Variants in RALGAPA2 observed in about 807,000 individuals in gnomAD.
The protein encoded by RALGAPA2 is ral GTPase-activating protein subunit alpha-2.
RALGAPA2 carries 139 observed loss-of-function variants against 230.4 expected under a neutral mutation model. The observed-to-expected ratio is 0.60, with a 90% confidence interval of 0.53 to 0.69. The LOEUF (loss-of-function observed/expected upper bound fraction) is 0.69, where lower values mean the gene tolerates loss of function less well. Ranked by LOEUF, RALGAPA2 falls within the 30% of genes least tolerant of loss-of-function variation. RALGAPA2 has a pLI of 0.00. For missense variants in RALGAPA2, 2,163 were observed against 2,276.0 expected (o/e 0.95, Z 1.01); for synonymous variants, 847 against 837.8 (o/e 1.01, Z -0.19).
intron 37 of RALGAPA2, among the ~76,000 whole-genome samples, chr20:20,462,698 A>AAAAATTTACTTTCAAAAAAAAT (rs2061331133): frequency 1.3e-5 from 2 of 152,188 alleles, no homozygotes; most frequent in Non-Finnish European, 2.9e-5. Context: ...AATTTACTTG[A>AAAAATTTACTTTCAAAAAAAAT]GTGTGTTGCA....
At chr20:20,561,040 C>T (rs914492791) in intron 23 of RALGAPA2, among the ~76,000 whole-genome samples, 13 of 152,204 alleles carry the variant, frequency 8.5e-5, no homozygotes, top group Non-Finnish European at 1.6e-4. Context: ...GAGTGCAAGG[C>T]TAGGTAGGGC....
intron 38 of RALGAPA2, among the ~76,000 whole-genome samples, chr20:20,410,997 C>T (rs923360979): frequency 5.9e-5 from 9 of 152,200 alleles, no homozygotes; most frequent in Non-Finnish European, 4.4e-5. Context: ...CGATGTTAAA[C>T]AATGATGCAT....
At chr20:20,687,496 G>C (rs952075829) in intron 1 of RALGAPA2, among the ~76,000 whole-genome samples, 2 of 152,128 alleles carry the variant, frequency 1.3e-5, no homozygotes, top group African/African-American at 4.8e-5. Context: ...ATGTGGCAGT[G>C]GTTGCTGGGA....
At chr20:20,449,717 T>C (rs1004746926) in intron 37 of RALGAPA2, among the ~76,000 whole-genome samples, 22 of 152,336 alleles carry the variant, frequency 1.4e-4, no homozygotes, top group African/African-American at 5.1e-4. Flanking sequence ...AAGATATCTT[T>C]TGAACTCATG....
intron 35 of RALGAPA2, among the ~76,000 whole-genome samples, chr20:20,496,599 A>G (rs959538371): frequency 1.3e-5 from 2 of 152,222 alleles, no homozygotes; most frequent in African/African-American, 4.8e-5. Context: ...GACTAAATTC[A>G]GAAGCAGTTT....
chr20:20,442,365 G>A (rs562006572), intron 37 of RALGAPA2, among the ~76,000 whole-genome samples: 15 of 152,208 alleles, frequency 9.9e-5, no homozygotes, highest in Non-Finnish European at 1.6e-4. Flanking sequence ...TCTTCACTCC[G>A]CTCTCTGTCG....
At chr20:20,648,301 A>T (rs562752647) in intron 4 of RALGAPA2, among the ~76,000 whole-genome samples, 7 of 152,172 alleles carry the variant, frequency 4.6e-5, no homozygotes, top group Non-Finnish European at 1.0e-4. Context: ...GCTAGTCTAC[A>T]AGGGCCAGAA....
intron 6 of RALGAPA2, 144 bp from the exon 7 acceptor site, chr20:20,640,044 T>G: frequency 1.6e-6 from 1 of 621,926 alleles, no homozygotes; most frequent in Non-Finnish European, 2.8e-6. Context: ...CAAGGCAGTG[T>G]GCATAAAGGG....
intron 37 of RALGAPA2, among the ~76,000 whole-genome samples, chr20:20,416,132 C>T (rs897802511): frequency 3.9e-5 from 6 of 152,172 alleles, no homozygotes; most frequent in Admixed American, 2.6e-4. Flanking sequence ...GTTCTCAGGA[C>T]GGCTGGGAAG....
intron 35 of RALGAPA2, among the ~76,000 whole-genome samples, chr20:20,499,287 C>T (rs1602554493): frequency 6.6e-6 from 1 of 152,124 alleles, no homozygotes; most frequent in Admixed American, 6.5e-5. Flanking sequence ...ACATTATTTA[C>T]AGCTTGGCAT....
At chr20:20,706,860 A>C (rs2069628957) in intron 1 of RALGAPA2, among the ~76,000 whole-genome samples, 1 of 152,178 alleles carries the variant, frequency 6.6e-6, no homozygotes, top group South Asian at 2.1e-4. Context: ...AGCTATTCTC[A>C]CTGAGCTTCA....
At chr20:20,685,096 CAG>C (rs2068652814) in intron 1 of RALGAPA2, among the ~76,000 whole-genome samples, 1 of 150,652 alleles carries the variant, frequency 6.6e-6, no homozygotes, top group Non-Finnish European at 1.5e-5. Flanking sequence ...TCAAGAAAAA[CAG>C]AGATATAACA....
At chr20:20,524,108 C>A (rs2063125238) in intron 30 of RALGAPA2, among the ~76,000 whole-genome samples, 1 of 152,102 alleles carries the variant, frequency 6.6e-6, no homozygotes, top group Non-Finnish European at 1.5e-5. Context: ...AGGCACCCGC[C>A]ACCACGCCCG....
At chr20:20,608,124 G>A (rs990292750) in intron 14 of RALGAPA2, among the ~76,000 whole-genome samples, 5 of 152,122 alleles carry the variant, frequency 3.3e-5, no homozygotes, top group East Asian at 1.9e-4. Flanking sequence ...GGTTCCTTCA[G>A]TACTGAAATT....
intron 23 of RALGAPA2, among the ~76,000 whole-genome samples, chr20:20,547,929 A>G (rs1285704130): frequency 1.3e-5 from 2 of 152,162 alleles, no homozygotes; most frequent in African/African-American, 2.4e-5. Flanking sequence ...TTGTAACACA[A>G]TGGAAATTGT....
At chr20:20,613,704 C>T (rs890389163) in intron 13 of RALGAPA2, among the ~76,000 whole-genome samples, 1 of 152,122 alleles carries the variant, frequency 6.6e-6, no homozygotes. Context: ...TTTCTTTTAC[C>T]TTTTCTCCCA....
chr20:20,564,885 C>A (rs908047326), intron 23 of RALGAPA2, among the ~76,000 whole-genome samples: 2 of 152,174 alleles, frequency 1.3e-5, no homozygotes, highest in Non-Finnish European at 2.9e-5. Context: ...AGGAATAAGG[C>A]CCCACATTAG....
chr20:20,390,959 C>T lies in RALGAPA2; in HGVS notation c.*2330G>A, dbSNP rs1471853026. 1 of 152,184 alleles carries T rather than the reference C, an allele frequency of 6.6e-6. No homozygotes were observed. The highest frequency in any genetic ancestry group is 2.4e-5 in the African/African-American group (1 of 41,436). The allele number at this position is 152,184 out of a possible 1,614,324, so 9.4% of individuals were successfully genotyped here. A position where few individuals can be genotyped will look rare whatever the true frequency, so the allele number is the denominator to read the frequency against. ...TGCTGCCTACAATTGAATTTCCCAC[C>T]CCAAGGTAGGGATCGCTGGTTCGTG... On this transcript the variant is annotated 3_prime_UTR_variant, in exon 40 of 40. Coordinates refer to ENST00000202677, the MANE Select transcript of RALGAPA2 (RefSeq NM_020343.4).
At chr20:20,459,805 C>T (rs901670927) in intron 37 of RALGAPA2, among the ~76,000 whole-genome samples, 3 of 152,216 alleles carry the variant, frequency 2.0e-5, no homozygotes, top group Non-Finnish European at 4.4e-5. Flanking sequence ...GAGAGGTACA[C>T]AAAAACGTGA....
Sources: allele counts gnomAD v4.1 joint callset (sites outside exome capture counted in the v4.1 genomes callset), GRCh38; gene constraint gnomAD v4.1.1; transcripts MANE v1.5; gene names NCBI Gene and HGNC (gene_info 2026-07-23, HGNC 2026-07-21).